Variants in POLN observed in about 807,000 individuals in gnomAD.
POLN encodes the protein DNA polymerase N.
In POLN, 108 loss-of-function variants were observed where a neutral mutation model predicts 113.5. The ratio of observed to expected loss-of-function variants is 0.95; its 90% CI spans 0.81 to 1.12. The LOEUF (loss-of-function observed/expected upper bound fraction) is 1.12, where lower values mean the gene tolerates loss of function less well. Among genes scored for constraint, POLN ranks in the 50% most tolerant of loss-of-function variants. POLN has a pLI of 0.00. For synonymous variants in POLN, 386 were observed against 391.5 expected (o/e 0.99, Z 0.17); for missense variants, 1,097 against 1,077.1 (o/e 1.02, Z -0.26).
chr4:2,153,794 C>A (rs1732353044), intron 16 of POLN, among the ~76,000 whole-genome samples: 2 of 151,898 alleles, frequency 1.3e-5, no homozygotes, highest in African/African-American at 4.8e-5. Context: ...CTGTGTAAGC[C>A]AGAATGTTCT....
intron 5 of POLN, 37 bp from the exon 6 acceptor site, chr4:2,198,754 A>G (rs1219791100): frequency 5.2e-6 from 8 of 1,525,544 alleles, no homozygotes; most frequent in Non-Finnish European, 7.1e-6. Flanking sequence ...AACCCAGACA[A>G]CATATCTGTT....
intron 18 of POLN, 119 bp downstream of exon 18, chr4:2,129,056 CAAAA>C (rs542873881): frequency 0.012 from 3,341 of 284,638 alleles, no homozygotes; most frequent in South Asian, 0.017. Flanking sequence ...ACTCTTGTCT[CAAAA>C]AAAAAAAAAA....
chr4:2,213,140 CA>C lies in POLN; in HGVS notation c.134-15del. The C allele has an allele frequency of 4.5e-6, 7 of 1,541,498 alleles. No homozygotes were observed. Among genetic ancestry groups the C allele is most frequent in the South Asian group, 1.2e-5 (1 of 82,088 alleles). On this transcript the variant is annotated splice_polypyrimidine_tract_variant and intron_variant, in intron 3 of 25. Coordinates refer to ENST00000511885, the MANE Select transcript of POLN (RefSeq NM_181808.4). ...TCACTTCCATAGCTTTTAAAAACAA[CA>C]AAAAAGAAACATGGGGCATTAAAGA...
At chr4:2,131,963 T>A (rs187008522) in intron 16 of POLN, among the ~76,000 whole-genome samples, 38 of 152,222 alleles carry the variant, frequency 2.5e-4, no homozygotes, top group Non-Finnish European at 4.3e-4. Flanking sequence ...TGTCTGGGAA[T>A]AGAACTCACT....
At chr4:2,073,910 G>A (rs781766672) in intron 24 of POLN, among the ~76,000 whole-genome samples, 1 of 152,220 alleles carries the variant, frequency 6.6e-6, no homozygotes, top group Non-Finnish European at 1.5e-5. Flanking sequence ...GCCGGTCACC[G>A]TCTGCAGGGA....
intron 13 of POLN, among the ~76,000 whole-genome samples, chr4:2,169,539 G>C (rs73796533): frequency 6.6e-6 from 1 of 152,084 alleles, no homozygotes; most frequent in African/African-American, 2.4e-5. Flanking sequence ...CGTCTGGCAC[G>C]GTCCTAAGTG....
chr4:2,073,193 A>G (rs1730194096), intron 24 of POLN, among the ~76,000 whole-genome samples, 164 bp from the exon 25 acceptor site: 1 of 152,004 alleles, frequency 6.6e-6, no homozygotes, highest in Non-Finnish European at 1.5e-5. Context: ...CTTAATGCCC[A>G]CAAGGAGCCC....
Position 2,241,580 on chromosome 4 carries a change from G to C in POLN, c.-73C>G, listed in dbSNP as rs1734990078. ...GTCCACCACCGCGACGCGGAGAACAGCAGGAGCAGCAGGGAAGCGCGCGGC... is the reference window on the plus strand; with the variant it reads ...GTCCACCACCGCGACGCGGAGAACACCAGGAGCAGCAGGGAAGCGCGCGGC... On this transcript the variant is annotated 5_prime_UTR_variant, in exon 2 of 26. Transcript: ENST00000511885. The C allele has an allele frequency of 1.0e-6, 1 of 985,742 alleles. No individual in the cohort carries two copies. Among genetic ancestry groups the C allele is most frequent in the Middle Eastern group, 5.2e-4 (1 of 1,916 alleles). 61.1% of individuals were successfully genotyped at this position (985,742 alleles called of 1,614,324 possible). A position where few individuals can be genotyped will look rare whatever the true frequency, so the allele number is the denominator to read the frequency against.
intron 3 of POLN, chr4:2,228,855 G>C (rs959621135): frequency 2.4e-5 from 9 of 377,732 alleles, no homozygotes; most frequent in Non-Finnish European, 4.2e-5. Context: ...ACCTGATCCA[G>C]ATTCTAAGGG....
chr4:2,096,730 G>GAGAGAGAGAGAC (rs1361778474), intron 19 of POLN, among the ~76,000 whole-genome samples: 33 of 145,656 alleles, frequency 2.3e-4, no homozygotes, highest in African/African-American at 7.9e-4. Flanking sequence ...GAGAGAGAGA[G>GAGAGAGAGAGAC]ACACACAGAG....
At chr4:2,080,553 T>C (rs1350558171) in intron 23 of POLN, 9 of 1,140,060 alleles carry the variant, frequency 7.9e-6, no homozygotes. Flanking sequence ...GAGCTGGGCG[T>C]GGGGCACACT....
In POLN at chr4:2,156,858, ATTAG is replaced by A; in HGVS notation, c.1666-9_1666-6del. ...CCATGTAGAGGAAATGGAGCCCTTT[ATTAG>A]TTAAAAAGAATCAGTGTAAACTCCA... On this transcript the variant is annotated splice_polypyrimidine_tract_variant and splice_region_variant and intron_variant, in intron 15 of 25. Transcript: ENST00000511885. 6.2e-7 allele frequency: 1 copy of A among 1,608,434 alleles called. No individual in the cohort carries two copies. Among genetic ancestry groups the A allele is most frequent in the South Asian group, 1.1e-5 (1 of 90,972 alleles).
chr4:2,168,480 T>C (rs1732782907), intron 13 of POLN, among the ~76,000 whole-genome samples: 1 of 152,274 alleles, frequency 6.6e-6, no homozygotes, highest in African/African-American at 2.4e-5. Flanking sequence ...GAGGCTAATA[T>C]GATTTATGCT....
At chr4:2,169,080 T>C (rs1732797162) in intron 13 of POLN, among the ~76,000 whole-genome samples, 2 of 152,158 alleles carry the variant, frequency 1.3e-5, no homozygotes, top group Non-Finnish European at 2.9e-5. Context: ...GAAAAATTTG[T>C]GGCACGAGTC....
At chr4:2,240,806 C>T in intron 2 of POLN, 1 of 1,613,906 alleles carries the variant, frequency 6.2e-7, no homozygotes. Context: ...TCTGTTCATT[C>T]ACATTCCCAC....
At chr4:2,178,805 T>A (rs1441129439) in intron 8 of POLN, among the ~76,000 whole-genome samples, 1 of 152,074 alleles carries the variant, frequency 6.6e-6, no homozygotes, top group Non-Finnish European at 1.5e-5. Flanking sequence ...AGAGACAGGG[T>A]TTCACCAGGT....
At chr4:2,221,821 C>T (rs962136538) in intron 3 of POLN, among the ~76,000 whole-genome samples, 5 of 152,134 alleles carry the variant, frequency 3.3e-5, no homozygotes, top group South Asian at 2.1e-4. Flanking sequence ...GGGATCCACC[C>T]GCCTCAGCCT....
chr4:2,184,998 T>C (rs567949335), intron 7 of POLN, among the ~76,000 whole-genome samples: 17 of 152,340 alleles, frequency 1.1e-4, no homozygotes, highest in African/African-American at 2.9e-4. Context: ...CTTTTCTATA[T>C]GAAGTGTACT....
chr4:2,215,111 C>T (rs879686572), intron 3 of POLN, among the ~76,000 whole-genome samples: 4 of 151,978 alleles, frequency 2.6e-5, no homozygotes, highest in Non-Finnish European at 4.4e-5. Flanking sequence ...CAGTATTGCT[C>T]ATTATGGCAA....
Sources: gnomAD v4.1 joint callset for allele counts (sites outside exome capture counted in the v4.1 genomes callset) on GRCh38, gnomAD v4.1.1 for gene constraint, MANE v1.5 for transcripts, NCBI Gene and HGNC (gene_info 2026-07-23, HGNC 2026-07-21) for gene names.